ERG: variants seen among roughly 807,000 people sequenced by gnomAD.
The protein encoded by ERG is ETS transcription factor ERG, also known as transcriptional regulator ERG.
In ERG, 9 loss-of-function variants were observed where a neutral mutation model predicts 55.3. That is an observed-to-expected ratio of 0.16 (90% CI 0.10 to 0.28). ERG has a LOEUF of 0.28. ERG is among the 10% of genes least tolerant of loss of function. The pLI is 1.00. For missense variants in ERG, 434 were observed against 631.6 expected (o/e 0.69, Z 3.35); for synonymous variants, 223 against 237.3 (o/e 0.94, Z 0.55).
chr21:38,506,928 GTGTGTCACC>G (rs2059465616), intron 2 of ERG, among the ~76,000 whole-genome samples: 1 of 152,164 alleles, frequency 6.6e-6, no homozygotes, highest in South Asian at 2.1e-4. Context: ...AATTAAGGCA[GTGTGTCACC>G]TGCTCGTCTG....
intron 1 of ERG, among the ~76,000 whole-genome samples, chr21:38,483,720 G>A (rs544850096): frequency 2.6e-5 from 4 of 151,664 alleles, no homozygotes; most frequent in South Asian, 4.2e-4. Flanking sequence ...AAAAATAGCC[G>A]GGCATGGTGG....
At chr21:38,547,842 T>C (rs1056445610) in intron 2 of ERG, among the ~76,000 whole-genome samples, 1 of 152,202 alleles carries the variant, frequency 6.6e-6, no homozygotes, top group East Asian at 1.9e-4. Flanking sequence ...AGCCAGAATT[T>C]TTAAGACTGC....
At chr21:38,659,860 TAAACGGACGATGTATTTCAG>T (rs1445693718) in intron 1 of ERG, among the ~76,000 whole-genome samples, 4 of 152,200 alleles carry the variant, frequency 2.6e-5, no homozygotes, top group Admixed American at 1.3e-4. Context: ...ACCATAGCAA[TAAACGGACGATGTATTTCAG>T]ACAGAAACCA....
At chr21:38,581,205 G>A (rs961789600) in intron 1 of ERG, among the ~76,000 whole-genome samples, 1 of 152,190 alleles carries the variant, frequency 6.6e-6, no homozygotes, top group Non-Finnish European at 1.5e-5. Flanking sequence ...GGGCCTAGAA[G>A]GCATAGGCAG....
chr21:38,573,677 G>T (rs1037820786), intron 2 of ERG, among the ~76,000 whole-genome samples: 9 of 152,110 alleles, frequency 5.9e-5, no homozygotes, highest in African/African-American at 2.2e-4. Context: ...ATTCCTTTTT[G>T]CTAAAATAAT....
chr21:38,633,784 C>A (rs1337683631), intron 1 of ERG, among the ~76,000 whole-genome samples: 2 of 151,380 alleles, frequency 1.3e-5, no homozygotes, highest in African/African-American at 4.9e-5. Flanking sequence ...TCATAAGATA[C>A]AATTTGAAGT....
intron 1 of ERG, among the ~76,000 whole-genome samples, chr21:38,473,318 T>C (rs2059157576): frequency 6.6e-6 from 1 of 152,086 alleles, no homozygotes; most frequent in Non-Finnish European, 1.5e-5. Flanking sequence ...GGATCCTCTG[T>C]CTTTAGTGAA....
chr21:38,569,526 C>T (rs866660627), intron 2 of ERG, among the ~76,000 whole-genome samples: 6 of 152,206 alleles, frequency 3.9e-5, no homozygotes, highest in African/African-American at 1.4e-4. Flanking sequence ...CTATGAGCCA[C>T]CTAATTTTTC....
intron 2 of ERG, among the ~76,000 whole-genome samples, chr21:38,544,683 T>C (rs745498727): frequency 5.3e-4 from 81 of 152,042 alleles, no homozygotes; most frequent in Non-Finnish European, 7.2e-4. Context: ...AAAATGATTA[T>C]ATAAGGTACA....
chr21:38,417,836 G>A (rs1465525371), intron 3 of ERG, among the ~76,000 whole-genome samples: 1 of 152,014 alleles, frequency 6.6e-6, no homozygotes, highest in East Asian at 1.9e-4. Context: ...CAGAAAAAGA[G>A]AAATCTTTCA....
At position 38,445,454 on chromosome 21, in the gene ERG, G is replaced by A; in HGVS notation, c.186C>T (p.Ala62=). ...PQQDWLSQPP[A]RVTIKMECNP... ...TACATTCCATTTTGATGGTGACCCT[G>A]GCTGGGGGTTGAGACAGCCAATCCT... Residue 62 remains alanine (A), a synonymous_variant, in exon 2 of 10, where the codon GCC becomes GCT. Transcript: ENST00000288319. 6.2e-7 allele frequency: 1 copy of A among 1,614,170 alleles called. No individual in the cohort carries two copies. The highest frequency in any genetic ancestry group is 8.5e-7 in the Non-Finnish European group (1 of 1,180,014).
At chr21:38,397,885 G>A (rs531210424) in intron 6 of ERG, among the ~76,000 whole-genome samples, 9 of 152,266 alleles carry the variant, frequency 5.9e-5, no homozygotes, top group African/African-American at 2.2e-4. Context: ...GACAGATTCT[G>A]GTCTAAGTAG....
chr21:38,461,061 A>T (rs2059037700), intron 1 of ERG, among the ~76,000 whole-genome samples: 1 of 152,142 alleles, frequency 6.6e-6, no homozygotes, highest in African/African-American at 2.4e-5. Context: ...TCAATATTCG[A>T]TACATAGTCT....
rs147561891 is a variant in ERG, at chr21:38,396,963, G to C, written c.745+3611C>G. Among the ~76,000 whole-genome samples, 116 of 152,208 alleles carry C rather than the reference G, an allele frequency of 7.6e-4. 6 individuals are homozygous for C. In the East Asian group the frequency reaches 0.022, roughly 29 times the overall value. ...ATCATAAAACCACAGAATGTAAAAT[G>C]ATATGCCTATGGGTTGATACTTTAT... On this transcript the variant is annotated intron_variant, in intron 6 of 9. Transcript: ENST00000288319.
At position 38,461,979 on chromosome 21, in the gene ERG, T is replaced by TTCTTTC. The variant is rs898318164; in HGVS notation, c.19-16359_19-16358insGAAAGA. Among the ~76,000 whole-genome samples the TTCTTTC allele has an allele frequency of 7.3e-5, 11 of 150,776 alleles. No individual in the cohort carries two copies. In the South Asian group the frequency reaches 2.1e-3, roughly 29 times the overall value. ...CCCACCATGCCTGGCTAATTTTTTT[T>TTCTTTC]TCTTTTTCTTTTTCTTTTTTGAGAC... On this transcript the variant is annotated intron_variant, in intron 1 of 9. Coordinates refer to ENST00000288319, the MANE Select transcript of ERG (RefSeq NM_182918.4).
chr21:38,553,488 A>G (rs1216431606), intron 2 of ERG, among the ~76,000 whole-genome samples: 1 of 152,212 alleles, frequency 6.6e-6, no homozygotes, highest in Non-Finnish European at 1.5e-5. Flanking sequence ...AAACAGACAC[A>G]TAAACCAATG....
At chr21:38,438,328 T>C (rs550940338) in intron 2 of ERG, among the ~76,000 whole-genome samples, 1 of 152,328 alleles carries the variant, frequency 6.6e-6, no homozygotes, top group African/African-American at 2.4e-5. Flanking sequence ...CCATCTTCAC[T>C]GCTAGAAAGT....
chr21:38,414,579 A>G (rs1397958509), intron 3 of ERG, among the ~76,000 whole-genome samples: 3 of 152,204 alleles, frequency 2.0e-5, no homozygotes, highest in African/African-American at 7.2e-5. Context: ...TCCATATAGC[A>G]CCACATGAAG....
chr21:38,402,958 G>A (rs114020284), intron 4 of ERG, among the ~76,000 whole-genome samples: 127 of 152,282 alleles, frequency 8.3e-4, no homozygotes, highest in Middle Eastern at 3.4e-3. Context: ...GCTGGACGTT[G>A]TAGAAATTAA....
Sources: gnomAD v4.1 joint callset for allele counts (sites outside exome capture counted in the v4.1 genomes callset) on GRCh38, gnomAD v4.1.1 for gene constraint, MANE v1.5 for transcripts, NCBI Gene and HGNC (gene_info 2026-07-23, HGNC 2026-07-21) for gene names.